Variants in STK32A observed in about 807,000 individuals in gnomAD.
The protein encoded by STK32A is serine/threonine-protein kinase 32A.
In STK32A, 41 loss-of-function variants were observed where a neutral mutation model predicts 53.2. The ratio of observed to expected loss-of-function variants is 0.77; its 90% CI spans 0.60 to 1.00. STK32A has a LOEUF of 1.00. Among genes scored for constraint, STK32A ranks in the 50% least tolerant of loss-of-function variants. The pLI, the probability that STK32A is intolerant of heterozygous loss-of-function variation, is 0.00. For synonymous variants in STK32A, 166 were observed against 162.8 expected (o/e 1.02, Z -0.15); for missense variants, 458 against 485.8 (o/e 0.94, Z 0.54).
intron 2 of STK32A, among the ~76,000 whole-genome samples, chr5:147,273,464 G>A (rs1331184689): frequency 6.6e-6 from 1 of 152,166 alleles, no homozygotes; most frequent in Non-Finnish European, 1.5e-5. Flanking sequence ...GTGCAACTAG[G>A]CAGACTCAGG....
intron 4 of STK32A, among the ~76,000 whole-genome samples, chr5:147,317,939 G>A (rs1030432406): frequency 6.6e-6 from 1 of 152,092 alleles, no homozygotes; most frequent in African/African-American, 2.4e-5. Flanking sequence ...AGATATATCA[G>A]AGTAGAAGGA....
At chr5:147,280,107 G>A (rs1751982728) in intron 4 of STK32A, among the ~76,000 whole-genome samples, 1 of 152,138 alleles carries the variant, frequency 6.6e-6, no homozygotes, top group Admixed American at 6.5e-5. Flanking sequence ...GAAAGGCCCT[G>A]GGAGCTTGCT....
intron 11 of STK32A, among the ~76,000 whole-genome samples, chr5:147,377,976 C>T (rs751756741): frequency 1.6e-4 from 24 of 152,068 alleles, no homozygotes; most frequent in Non-Finnish European, 1.9e-4. Flanking sequence ...AGTCTTTCTT[C>T]CAAGAAGAAT....
intron 4 of STK32A, among the ~76,000 whole-genome samples, chr5:147,298,411 G>T (rs1319743434): frequency 6.6e-6 from 1 of 152,204 alleles, no homozygotes; most frequent in Non-Finnish European, 1.5e-5. Context: ...AATTGTGTGT[G>T]CAAACAAACT....
At chr5:147,395,733 G>A in the STK32A span, 3 of 1,613,342 alleles carry the variant, frequency 1.9e-6, no homozygotes, top group Non-Finnish European at 2.5e-6. Flanking sequence ...TGCAGCCAGA[G>A]AAGAGCATGT....
At chr5:147,349,098 G>T (rs1755831344) in intron 6 of STK32A, among the ~76,000 whole-genome samples, 1 of 152,140 alleles carries the variant, frequency 6.6e-6, no homozygotes, top group South Asian at 2.1e-4. Context: ...TGGGGAGAAA[G>T]AGAAAAAGAA....
Position 147,279,335 on chromosome 5 carries a change from G to A in STK32A, c.197G>A (p.Arg66Lys), listed in dbSNP as rs746195769. The change falls in exon 4 of 13, where the codon AGA (arginine) becomes AAA (lysine). Residue 66 changes from arginine (R) to lysine (K), a missense_variant. Arg to Lys is a conservative substitution (Grantham distance 26). Coordinates refer to ENST00000397936, the MANE Select transcript of STK32A (RefSeq NM_001112724.2). ...KQKCVERNEV[R>K]NVFKELQIMQ... is the part of the protein sequence containing the mutation. Reference sequence around the variant, plus strand: ...AAGTGCGTGGAGCGCAATGAAGTGAGAAATGTCTTCAAGGAACTCCAGATC... The same window carrying A: ...AAGTGCGTGGAGCGCAATGAAGTGAAAAATGTCTTCAAGGAACTCCAGATC... 1.8e-5 allele frequency: 29 copies of A among 1,613,370 alleles called. No individual in the cohort carries two copies. Among genetic ancestry groups the A allele is most frequent in the Non-Finnish European group, 2.5e-5 (29 of 1,179,642 alleles).
chr5:147,268,046 A>G (rs1399196539), intron 2 of STK32A, among the ~76,000 whole-genome samples: 1 of 152,308 alleles, frequency 6.6e-6, no homozygotes, highest in African/African-American at 2.4e-5. Flanking sequence ...TCTGATTCAG[A>G]TAAGGCCAAT....
In STK32A at chr5:147,279,363, G is replaced by T. The variant is rs1489896089; in HGVS notation, c.225G>T (p.Met75Ile). 1 of 1,606,738 alleles carries T rather than the reference G, an allele frequency of 6.2e-7. No homozygotes were observed. The highest frequency in any genetic ancestry group is 1.1e-5 in the South Asian group (1 of 89,806). ...ATGTCTTCAAGGAACTCCAGATCAT[G>T]CAGGGTCTGGAGCACCCTTTCCTGG... ...VRNVFKELQI[M>I]QGLEHPFLVN... Residue 75 changes from methionine to isoleucine, a missense_variant, in exon 4 of 13, where the codon ATG (methionine) becomes ATT (isoleucine). Met to Ile is a conservative substitution (Grantham distance 10). Transcript: ENST00000397936.
chr5:147,383,962 TG>T lies in STK32A; in HGVS notation c.1172del (p.Gly391ValfsTer42). The T allele has an allele frequency of 6.2e-7, 1 of 1,607,510 alleles. No homozygotes were observed. The highest frequency in any genetic ancestry group is 8.5e-7 in the Non-Finnish European group (1 of 1,177,986). Reference sequence around the variant, plus strand: ...AAACCAAAGACCCACAAGGTGAGGATGGTCAGAATAACAACTTGTAAAGGCC... The same window carrying T: ...AAACCAAAGACCCACAAGGTGAGGATGTCAGAATAACAACTTGTAAAGGCC... ...EQTKDPQGED[G>X]QNNNL On this transcript the variant is annotated frameshift_variant, in exon 13 of 13. Coordinates refer to ENST00000397936, the MANE Select transcript of STK32A (RefSeq NM_001112724.2). LOFTEE classifies it high-confidence loss of function.
chr5:147,368,451 G>A (rs779148116), intron 8 of STK32A, among the ~76,000 whole-genome samples: 5 of 151,188 alleles, frequency 3.3e-5, no homozygotes, highest in Non-Finnish European at 7.4e-5. Context: ...TTATTTAAGT[G>A]TGTGTGTGTG....
intron 4 of STK32A, among the ~76,000 whole-genome samples, chr5:147,280,170 G>A (rs1004995195): frequency 1.3e-5 from 2 of 152,070 alleles, no homozygotes; most frequent in African/African-American, 4.8e-5. Context: ...CAATGGGAGA[G>A]GAGCGGGGGT....
chr5:147,337,504 T>G (rs1755194407), intron 5 of STK32A, among the ~76,000 whole-genome samples: 1 of 152,172 alleles, frequency 6.6e-6, no homozygotes, highest in African/African-American at 2.4e-5. Flanking sequence ...TTGTTTTCTC[T>G]TCTCTTCTTA....
intron 2 of STK32A, among the ~76,000 whole-genome samples, chr5:147,255,127 C>T (rs903387195): frequency 1.3e-5 from 2 of 152,166 alleles, no homozygotes; most frequent in East Asian, 1.9e-4. Context: ...GCGACAGAGA[C>T]TCCACCTCAA....
Position 147,384,686 on chromosome 5 carries a change from G to T in STK32A, c.*703G>T, listed in dbSNP as rs943007285. 3 of 396,252 alleles carry T rather than the reference G, an allele frequency of 7.6e-6. No individual in the cohort carries two copies. The highest frequency in any genetic ancestry group is 4.1e-5 in the African/African-American group (2 of 48,540). The allele number at this position is 396,252 out of a possible 1,614,324, so 24.5% of individuals were successfully genotyped here. A position where few individuals can be genotyped will look rare whatever the true frequency, so the allele number is the denominator to read the frequency against. ...TGGGAGCATTTACACCACGGAAACT[G>T]GTAAATGCTCGTTTTTTCCCTCCTA... On this transcript the variant is annotated 3_prime_UTR_variant, in exon 13 of 13. Transcript: ENST00000397936.
chr5:147,383,160 G>A (rs1757519122), intron 11 of STK32A: 3 of 425,026 alleles, frequency 7.1e-6, no homozygotes. Context: ...AGCCTTCCCT[G>A]AAAGTTGCAA....
chr5:147,388,294 G>A (rs573641136), downstream of STK32A, among the ~76,000 whole-genome samples: 5 of 152,268 alleles, frequency 3.3e-5, no homozygotes, highest in African/African-American at 1.2e-4. Flanking sequence ...AGGCAACTCT[G>A]AACTCTTGCA....
At chr5:147,272,147 G>A (rs955939613) in intron 2 of STK32A, among the ~76,000 whole-genome samples, 8 of 152,084 alleles carry the variant, frequency 5.3e-5, no homozygotes, top group East Asian at 3.9e-4. Context: ...AAGAACCTAC[G>A]TGACTATCAG....
intron 8 of STK32A, 25 bp from the exon 9 acceptor site, chr5:147,370,629 A>G (rs756362796): frequency 1.0e-5 from 15 of 1,495,174 alleles, no homozygotes; most frequent in Middle Eastern, 1.8e-4. Context: ...ACAAATGAAG[A>G]CTTTTACTTC....
Sources: allele counts gnomAD v4.1 joint callset (sites outside exome capture counted in the v4.1 genomes callset), GRCh38; gene constraint gnomAD v4.1.1; transcripts MANE v1.5; gene names NCBI Gene and HGNC (gene_info 2026-07-23, HGNC 2026-07-21).